GALNTL6: variants seen among roughly 807,000 people sequenced by gnomAD.
GALNTL6 encodes polypeptide N-acetylgalactosaminyltransferase-like 6.
A neutral mutation model predicts 73.7 loss-of-function variants in GALNTL6; 46 were observed. The ratio of observed to expected loss-of-function variants is 0.62; its 90% CI spans 0.49 to 0.80. The LOEUF (loss-of-function observed/expected upper bound fraction) is 0.80, where lower values mean the gene tolerates loss of function less well. Ranked by LOEUF, GALNTL6 falls within the 30% of genes least tolerant of loss-of-function variation. The probability of loss-of-function intolerance (pLI) is 0.00; values close to 1 mark genes in which losing one functional copy is unlikely to be tolerated. For missense variants in GALNTL6, 604 were observed against 755.0 expected (o/e 0.80, Z 2.34); for synonymous variants, 259 against 263.7 (o/e 0.98, Z 0.17).
At position 172,143,995 on chromosome 4, in the gene GALNTL6, A is replaced by T. The variant is rs958776640; in HGVS notation, c.139-85661A>T. 3.9e-5 allele frequency among the ~76,000 whole-genome samples: 6 copies of T among 152,130 alleles called. No homozygotes were observed. The East Asian group carries it at 1.2e-3, about 29-fold the overall frequency. On this transcript the variant is annotated intron_variant, in intron 2 of 12. Coordinates refer to ENST00000506823, the MANE Select transcript of GALNTL6 (RefSeq NM_001034845.3). ...TCAAGAGTCCTATATTATGGCAATA[A>T]CCAGAACAACTCTGACCTGCAACTC...
intron 5 of GALNTL6, among the ~76,000 whole-genome samples, chr4:172,494,818 T>C (rs1337587020): frequency 6.6e-6 from 1 of 152,218 alleles, no homozygotes; most frequent in African/African-American, 2.4e-5. Flanking sequence ...TGCTTTATTC[T>C]AGCCGCACTG....
intron 5 of GALNTL6, among the ~76,000 whole-genome samples, chr4:172,787,003 C>T (rs1400297695): frequency 6.6e-6 from 1 of 152,158 alleles, no homozygotes; most frequent in African/African-American, 2.4e-5. Flanking sequence ...CTCCACCTCT[C>T]CCTCCACAAG....
At chr4:172,650,725 G>A (rs1419863240) in intron 5 of GALNTL6, among the ~76,000 whole-genome samples, 3 of 152,116 alleles carry the variant, frequency 2.0e-5, no homozygotes, top group African/African-American at 4.8e-5. Flanking sequence ...GGAACAGAAT[G>A]TAAAGAATTG....
chr4:172,247,841 T>C (rs1350994615), intron 3 of GALNTL6, among the ~76,000 whole-genome samples: 2 of 152,216 alleles, frequency 1.3e-5, no homozygotes, highest in Non-Finnish European at 2.9e-5. Context: ...ATTTAAATTG[T>C]ATTTAGTTTT....
intron 5 of GALNTL6, among the ~76,000 whole-genome samples, chr4:172,797,401 C>T (rs753244182): frequency 1.3e-5 from 2 of 152,028 alleles, no homozygotes; most frequent in African/African-American, 2.4e-5. Context: ...AACGCCGCTA[C>T]GCCCGGCTAA....
At chr4:172,188,488 C>A (rs544008624) in intron 2 of GALNTL6, among the ~76,000 whole-genome samples, 1 of 152,104 alleles carries the variant, frequency 6.6e-6, no homozygotes, top group Non-Finnish European at 1.5e-5. Context: ...AAAAGTGACA[C>A]GGTGTCTGCT....
chr4:172,081,339 G>A (rs1431282810), intron 2 of GALNTL6, among the ~76,000 whole-genome samples: 1 of 152,174 alleles, frequency 6.6e-6, no homozygotes, highest in Non-Finnish European at 1.5e-5. Flanking sequence ...TTAAGGCTGA[G>A]TCTGCAAGTT....
intron 2 of GALNTL6, among the ~76,000 whole-genome samples, chr4:172,212,727 G>A (rs759868020): frequency 3.3e-5 from 5 of 151,868 alleles, no homozygotes; most frequent in Non-Finnish European, 5.9e-5. Flanking sequence ...GAGTGCAATG[G>A]CACCATCTCA....
chr4:172,614,342 G>T (rs977651627), intron 5 of GALNTL6, among the ~76,000 whole-genome samples: 15 of 152,110 alleles, frequency 9.9e-5, no homozygotes, highest in Admixed American at 6.6e-5. Context: ...ATCCAAACGT[G>T]CATCTGCAAA....
chr4:172,460,874 C>T (rs1359105794), intron 5 of GALNTL6, among the ~76,000 whole-genome samples: 1 of 152,122 alleles, frequency 6.6e-6, no homozygotes, highest in Non-Finnish European at 1.5e-5. Context: ...TGGGTATATA[C>T]CCAAAGGATT....
chr4:172,720,018 T>C (rs1735365795), intron 5 of GALNTL6, among the ~76,000 whole-genome samples: 1 of 152,122 alleles, frequency 6.6e-6, no homozygotes. Context: ...CTCCTGTCCA[T>C]CTTGGTTTTG....
chr4:172,790,062 CTA>C (rs1425501431), intron 5 of GALNTL6, among the ~76,000 whole-genome samples: 6 of 152,190 alleles, frequency 3.9e-5, no homozygotes, highest in African/African-American at 1.4e-4. Context: ...CCAATAAAAA[CTA>C]TGAGTCAAAA....
At chr4:172,481,671 A>G (rs372463226) in intron 5 of GALNTL6, among the ~76,000 whole-genome samples, 1 of 152,170 alleles carries the variant, frequency 6.6e-6, no homozygotes, top group African/African-American at 2.4e-5. Flanking sequence ...AAGTTCTCCA[A>G]GTCCCCACTA....
chr4:172,616,301 T>A (rs1738727375), intron 5 of GALNTL6, among the ~76,000 whole-genome samples: 1 of 152,130 alleles, frequency 6.6e-6, no homozygotes, highest in African/African-American at 2.4e-5. Flanking sequence ...GTTGTTTGGT[T>A]TTTTGTTTTT....
chr4:172,216,335 T>G (rs948014745), intron 2 of GALNTL6, among the ~76,000 whole-genome samples: 1 of 152,042 alleles, frequency 6.6e-6, no homozygotes, highest in Admixed American at 6.6e-5. Context: ...TTTTTGTTTT[T>G]TTTTTCTTTC....
chr4:172,973,724 T>C (rs1045254625), intron 10 of GALNTL6, among the ~76,000 whole-genome samples: 11 of 152,190 alleles, frequency 7.2e-5, no homozygotes, highest in Non-Finnish European at 1.6e-4. Flanking sequence ...TTATTGTAAA[T>C]TTGTGGATAC....
At chr4:172,511,512 C>G (rs1299980646) in intron 5 of GALNTL6, among the ~76,000 whole-genome samples, 1 of 54,684 alleles carries the variant, frequency 1.8e-5, no homozygotes, top group Admixed American at 2.6e-4. Flanking sequence ...TTCTCCAGTT[C>G]CTTGATGTGT....
chr4:172,604,726 G>T (rs956153441), intron 5 of GALNTL6, among the ~76,000 whole-genome samples: 1 of 152,078 alleles, frequency 6.6e-6, no homozygotes, highest in African/African-American at 2.4e-5. Context: ...CTACACTCTA[G>T]TTTAACAGTT....
rs1160453 is a variant in GALNTL6 at position 172,422,116 on chromosome 4, A to T, written c.553+73427A>T. 2.0e-5 allele frequency among the ~76,000 whole-genome samples: 3 copies of T among 152,132 alleles called. No individual in the cohort carries two copies. In the East Asian group the frequency reaches 5.8e-4, roughly 29 times the overall value. ...ATAGCTTTTCCCCTGCAACAATAAC[A>T]ACCTCATAGAATGATGATTTATTCC... On this transcript the variant is annotated intron_variant, in intron 5 of 12. Coordinates refer to ENST00000506823, the MANE Select transcript of GALNTL6 (RefSeq NM_001034845.3).
Sources: gnomAD v4.1 joint callset for allele counts (sites outside exome capture counted in the v4.1 genomes callset) on GRCh38, gnomAD v4.1.1 for gene constraint, MANE v1.5 for transcripts, NCBI Gene and HGNC (gene_info 2026-07-23, HGNC 2026-07-21) for gene names.